Variants in GPX8 observed in about 807,000 individuals in gnomAD.
The protein encoded by GPX8 is protein peroxidase GPX8.
Under a neutral mutation model 17.8 loss-of-function variants are expected in GPX8, and 12 were observed. The observed-to-expected ratio is 0.67, with a 90% confidence interval of 0.43 to 1.09. GPX8 has a LOEUF of 1.09. Ranked by LOEUF, GPX8 falls within the 50% of genes least tolerant of loss-of-function variation. GPX8 has a pLI of 0.00. For missense variants in GPX8, 209 were observed against 235.6 expected, an observed-to-expected ratio of 0.89 and a Z score of 0.74; for synonymous variants, 86 against 88.1, an observed-to-expected ratio of 0.98 and a Z score of 0.14.
chr5:55,160,832 A>G, intron 1 of GPX8, 162 bp from the exon 2 acceptor site: 1 of 672,962 alleles, frequency 1.5e-6, no homozygotes, highest in Non-Finnish European at 2.4e-6. Flanking sequence ...CCAGGCATCT[A>G]GGTTACAGTT....
chr5:55,161,325 C>G, intron 2 of GPX8, 70 bp downstream of exon 2: 2 of 1,375,250 alleles, frequency 1.5e-6, no homozygotes, highest in East Asian at 2.3e-5. Context: ...CAGGACAATA[C>G]TTTCCTATTT....
rs1316376828 is a variant in GPX8 at position 55,161,103 on chromosome 5, C to G, written c.314C>G (p.Ala105Gly). The G allele has an allele frequency of 4.3e-6, 7 of 1,614,186 alleles. No individual in the cohort carries two copies. Among genetic ancestry groups the G allele is most frequent in the Non-Finnish European group, 5.9e-6 (7 of 1,180,028 alleles). The part of the protein sequence containing the change: ...EFGPSHFSVL[A>G]FPCNQFGESE... ...GGACCATCCCACTTCAGCGTGTTGG[C>G]TTTTCCCTGCAATCAGTTTGGAGAA... is the stretch of plus-strand genomic sequence containing the variant. The change falls in exon 2 of 3, where the codon GCT becomes GGT. Residue 105 changes from alanine to glycine, a missense_variant. Coordinates refer to ENST00000503787, the MANE Select transcript of GPX8 (RefSeq NM_001008397.4).
chr5:55,161,980 C>T (rs2111563774), intron 2 of GPX8, among the ~76,000 whole-genome samples: 1 of 146,872 alleles, frequency 6.8e-6, no homozygotes, highest in African/African-American at 2.5e-5. Flanking sequence ...AATGGGCTAT[C>T]AATAGTACCG....
At position 55,160,285 on chromosome 5, in the gene GPX8, G is replaced by A; in HGVS notation, c.93G>A (p.Thr31=). 6.2e-7 allele frequency: 1 copy of A among 1,613,424 alleles called. No homozygotes were observed. The highest frequency in any genetic ancestry group is 1.3e-5 in the African/African-American group (1 of 75,024). Residue 31 remains threonine (T), a synonymous_variant, in exon 1 of 3, where the codon ACG becomes ACA. Transcript: ENST00000503787. The stretch of plus-strand genomic sequence containing the variant: ...TGTCTATAGTTCTATGCACAGTAAC[G>A]CTATTTCTTCTACAACTAAAATTCC... ...VLLSIVLCTV[T]LFLLQLKFLK...
At position 55,164,322 on chromosome 5, in the gene GPX8, G is replaced by C. The variant is rs1479923554; in HGVS notation, c.*104G>C. On this transcript the variant is annotated 3_prime_UTR_variant, in exon 3 of 3. Transcript: ENST00000503787. Reference sequence around the variant, plus strand: ...AGACAGTGTCTCACTCTGTCACCCAGGCTGGAGTGCAGTAGTGCGTTCTCA... The same window carrying C: ...AGACAGTGTCTCACTCTGTCACCCACGCTGGAGTGCAGTAGTGCGTTCTCA... 1 of 792,424 alleles carries C rather than the reference G, an allele frequency of 1.3e-6. No individual in the cohort carries two copies. The highest frequency in any genetic ancestry group is 1.8e-6 in the Non-Finnish European group (1 of 552,588). 49.1% of individuals were successfully genotyped at this position (792,424 alleles called of 1,614,324 possible). A position where few individuals can be genotyped will look rare whatever the true frequency, so the allele number is the denominator to read the frequency against.
Position 55,164,533 on chromosome 5 carries a change from A to G in GPX8, c.*315A>G, listed in dbSNP as rs957151086. The G allele has an allele frequency of 5.9e-6, 1 of 170,244 alleles. No individual in the cohort carries two copies. The highest frequency in any genetic ancestry group is 2.4e-5 in the African/African-American group (1 of 42,152). 10.5% of individuals were successfully genotyped at this position (170,244 alleles called of 1,614,324 possible). A position where few individuals can be genotyped will look rare whatever the true frequency, so the allele number is the denominator to read the frequency against. On this transcript the variant is annotated 3_prime_UTR_variant, in exon 3 of 3. Coordinates refer to ENST00000503787, the MANE Select transcript of GPX8 (RefSeq NM_001008397.4). ...ATTAACTACTTCCTCTGACCATACT[A>G]AAGAATTCAGAATACACAGTGACCA...
At position 55,164,942 on chromosome 5, in the gene GPX8, T is replaced by G. The variant is rs1744303115; in HGVS notation, c.*724T>G. On this transcript the variant is annotated 3_prime_UTR_variant, in exon 3 of 3. Transcript: ENST00000503787. ...TTTCAGTATTTCTCTCTGCATTATT[T>G]TTTAGAAGCAACTCAAATTCTGTAA... The G allele has an allele frequency of 1.3e-5, 2 of 152,208 alleles. No homozygotes were observed. Among genetic ancestry groups the G allele is most frequent in the African/African-American group, 2.4e-5 (1 of 41,452 alleles). 9.4% of individuals were successfully genotyped at this position (152,208 alleles called of 1,614,324 possible). A position where few individuals can be genotyped will look rare whatever the true frequency, so the allele number is the denominator to read the frequency against.
chr5:55,162,163 A>G (rs1407748463), intron 2 of GPX8, among the ~76,000 whole-genome samples: 2 of 150,890 alleles, frequency 1.3e-5, no homozygotes, highest in Non-Finnish European at 2.9e-5. Flanking sequence ...TAGGAGGCCG[A>G]GGCAGGCAGA....
chr5:55,160,836 T>A, intron 1 of GPX8, 158 bp from the exon 2 acceptor site: 2 of 710,546 alleles, frequency 2.8e-6, no homozygotes, highest in South Asian at 4.4e-5. Context: ...GCATCTAGGT[T>A]ACAGTTTTCA....
intron 2 of GPX8, among the ~76,000 whole-genome samples, chr5:55,162,926 G>A (rs933366223): frequency 1.3e-5 from 2 of 152,256 alleles, no homozygotes; most frequent in Admixed American, 1.3e-4. Context: ...TAAAAGGCCC[G>A]TATATCAATC....
At chr5:55,163,347 C>A (rs1322002817) in intron 2 of GPX8, among the ~76,000 whole-genome samples, 1 of 151,722 alleles carries the variant, frequency 6.6e-6, no homozygotes, top group African/African-American at 2.4e-5. Context: ...CACAGCGAGA[C>A]CCTGCCAAAA....
chr5:55,160,526 T>A, intron 1 of GPX8, 130 bp downstream of exon 1: 5 of 642,146 alleles, frequency 7.8e-6, no homozygotes, highest in Non-Finnish European at 1.4e-5. Flanking sequence ...ATGGTATTAG[T>A]ACATCACTTT....
intron 1 of GPX8, 86 bp from the exon 2 acceptor site, chr5:55,160,907 CA>C (rs1744011077): frequency 7.2e-7 from 1 of 1,381,400 alleles, no homozygotes; most frequent in East Asian, 2.4e-5. Flanking sequence ...TAGTCCCCCC[CA>C]AATTGTTTAG....
In GPX8 at chr5:55,166,346, C is replaced by G. The variant is rs1744384403; in HGVS notation, c.*2128C>G. 1 of 152,276 alleles carries G rather than the reference C, an allele frequency of 6.6e-6. No individual in the cohort carries two copies. Among genetic ancestry groups the G allele is most frequent in the African/African-American group, 2.4e-5 (1 of 41,458 alleles). The allele number at this position is 152,276 out of a possible 1,614,324, so 9.4% of individuals were successfully genotyped here. On this transcript the variant is annotated 3_prime_UTR_variant, in exon 3 of 3. Transcript: ENST00000503787. ...CAGATAAAGTGGGTTTCTTCACTTACATCTCTCTAATCTTGGCTGCCTTAT... is the reference window on the plus strand; with the variant it reads ...CAGATAAAGTGGGTTTCTTCACTTAGATCTCTCTAATCTTGGCTGCCTTAT...
rs1744030278 is a variant in GPX8 at position 55,161,116 on chromosome 5, T to G, written c.327T>G (p.Asn109Lys). 5.6e-6 allele frequency: 9 copies of G among 1,614,084 alleles called. No individual in the cohort carries two copies. Among genetic ancestry groups the G allele is most frequent in the Non-Finnish European group, 5.1e-6 (6 of 1,179,962 alleles). The stretch of plus-strand genomic sequence containing the variant: ...TCAGCGTGTTGGCTTTTCCCTGCAA[T>G]CAGTTTGGAGAATCGGAGCCCCGCC... ...SHFSVLAFPC[N>K]QFGESEPRPS... Residue 109 changes from asparagine (N) to lysine (K), a missense_variant, in exon 2 of 3, where the codon AAT (asparagine) becomes AAG (lysine). Physicochemically the swap from Asn to Lys is moderately conservative, Grantham distance 94. Coordinates refer to ENST00000503787, the MANE Select transcript of GPX8 (RefSeq NM_001008397.4).
Position 55,160,268 on chromosome 5 carries a change from G to A in GPX8, c.76G>A (p.Val26Ile). 2 of 1,613,934 alleles carry A rather than the reference G, an allele frequency of 1.2e-6. No homozygotes were observed. Among genetic ancestry groups the A allele is most frequent in the South Asian group, 1.1e-5 (1 of 91,086 alleles). Residue 26 changes from valine to isoleucine, a missense_variant, in exon 1 of 3, where the codon GTT (valine) becomes ATT (isoleucine). Coordinates refer to ENST00000503787, the MANE Select transcript of GPX8 (RefSeq NM_001008397.4). ...AKVFAVLLSI[V>I]LCTVTLFLLQ... ...GGTATTTGCAGTTTTGCTGTCTATAGTTCTATGCACAGTAACGCTATTTCT... is the reference window on the plus strand; with the variant it reads ...GGTATTTGCAGTTTTGCTGTCTATAATTCTATGCACAGTAACGCTATTTCT...
In GPX8 at chr5:55,164,360, C is replaced by G. The variant is rs1314912659; in HGVS notation, c.*142C>G. The G allele has an allele frequency of 1.1e-5, 5 of 455,620 alleles. No individual in the cohort carries two copies. In the East Asian group the frequency reaches 1.8e-4, roughly 16 times the overall value. The allele number at this position is 455,620 out of a possible 1,614,324, so 28.2% of individuals were successfully genotyped here. A position where few individuals can be genotyped will look rare whatever the true frequency, so the allele number is the denominator to read the frequency against. On this transcript the variant is annotated 3_prime_UTR_variant, in exon 3 of 3. Transcript: ENST00000503787. The stretch of plus-strand genomic sequence containing the variant: ...TAGTGCGTTCTCAGCTCATTGCAAC[C>G]TCTGCCTTTTTAAACATGCTATTAA...
chr5:55,163,859 T>C (rs1189485705), intron 2 of GPX8, among the ~76,000 whole-genome samples, 196 bp from the exon 3 acceptor site: 1 of 149,860 alleles, frequency 6.7e-6, no homozygotes, highest in Non-Finnish European at 1.5e-5. Context: ...AGTAGACTCA[T>C]AGGTGAAGTC....
In GPX8 at chr5:55,166,602, G is replaced by A. The variant is rs1451072075; in HGVS notation, c.*2384G>A. On this transcript the variant is annotated 3_prime_UTR_variant, in exon 3 of 3. Coordinates refer to ENST00000503787, the MANE Select transcript of GPX8 (RefSeq NM_001008397.4). ...ACTCAAATGCCTCATAGGAATACCAGCGGACAAACACATAGAGGAAAAGTT... is the reference window on the plus strand; with the variant it reads ...ACTCAAATGCCTCATAGGAATACCAACGGACAAACACATAGAGGAAAAGTT... The A allele has an allele frequency of 6.6e-6, 1 of 152,212 alleles. No homozygotes were observed. Among genetic ancestry groups the A allele is most frequent in the Non-Finnish European group, 1.5e-5 (1 of 68,038 alleles). 9.4% of individuals were successfully genotyped at this position (152,212 alleles called of 1,614,324 possible).
Sources: allele counts gnomAD v4.1 joint callset (sites outside exome capture counted in the v4.1 genomes callset), GRCh38; gene constraint gnomAD v4.1.1; transcripts MANE v1.5; gene names NCBI Gene and HGNC (gene_info 2026-07-23, HGNC 2026-07-21).